PILRB: variants seen among roughly 807,000 people sequenced by gnomAD.
PILRB encodes paired immunoglobin like type 2 receptor beta.
A neutral mutation model predicts 20.5 loss-of-function variants in PILRB; 21 were observed. That is an observed-to-expected ratio of 1.02 (90% CI 0.72 to 1.47). PILRB has a LOEUF of 1.47. PILRB is among the 40% of genes most tolerant of loss of function. PILRB has a pLI of 0.00. For missense variants in PILRB, 253 were observed against 272.1 expected, an observed-to-expected ratio of 0.93 and a Z score of 0.49; for synonymous variants, 133 against 115.1, an observed-to-expected ratio of 1.16 and a Z score of -0.99.
chr7:100,362,906 C>T (rs1790570418), intron 3 of PILRB, among the ~76,000 whole-genome samples: 1 of 152,170 alleles, frequency 6.6e-6, no homozygotes, highest in East Asian at 1.9e-4. Flanking sequence ...GGCTGAAAGT[C>T]TTTCAGTCAT....
At chr7:100,360,045 A>C (rs189376377) in intron 3 of PILRB, among the ~76,000 whole-genome samples, 240 of 151,448 alleles carry the variant, frequency 1.6e-3, no homozygotes, top group African/African-American at 5.4e-3. Context: ...AACAAACAAA[A>C]AAAGCCCCCA....
At position 100,361,489 on chromosome 7, in the gene PILRB, C is replaced by G. The variant is rs186350592; in HGVS notation, c.655+1952C>G. ...GCTGGATCACCTGAGGTCAGGCGTT[C>G]AAGACCAGCCTGGCCAAAATGGTGA... On this transcript the variant is annotated intron_variant, in intron 3 of 3. Coordinates refer to ENST00000609309, the MANE Select transcript of PILRB (RefSeq NM_178238.4). Among the ~76,000 whole-genome samples, 12 of 152,196 alleles carry G rather than the reference C, an allele frequency of 7.9e-5. No individual in the cohort carries two copies. In the East Asian group the frequency reaches 2.1e-3, roughly 27 times the overall value.
intron 2 of PILRB, 61 bp from the exon 3 acceptor site, chr7:100,359,276 C>T: frequency 6.4e-7 from 1 of 1,568,324 alleles, no homozygotes; most frequent in Non-Finnish European, 8.8e-7. Flanking sequence ...GCACACCATG[C>T]CTTTCATCCA....
Position 100,365,226 on chromosome 7 carries a change from C to T in PILRB, c.656-2123C>T, listed in dbSNP as rs938552770. Among the ~76,000 whole-genome samples, 4 of 152,282 alleles carry T rather than the reference C, an allele frequency of 2.6e-5. No individual in the cohort carries two copies. The South Asian group carries it at 8.3e-4, about 32-fold the overall frequency. On this transcript the variant is annotated intron_variant, in intron 3 of 3. Transcript: ENST00000609309. Reference sequence around the variant, plus strand: ...TGTTGGCCAGGCTGGTCTCGAACTCCTGACCTCAGGGGATCCACCCACCTC... The same window carrying T: ...TGTTGGCCAGGCTGGTCTCGAACTCTTGACCTCAGGGGATCCACCCACCTC...
chr7:100,366,161 TC>T (rs1056492257), intron 3 of PILRB, among the ~76,000 whole-genome samples: 2 of 152,040 alleles, frequency 1.3e-5, no homozygotes, highest in Non-Finnish European at 2.9e-5. Context: ...ACCATATTGT[TC>T]AGGCTGATCT....
rs6952735 is a variant in PILRB at position 100,365,950 on chromosome 7, T to C, written c.656-1399T>C. On this transcript the variant is annotated intron_variant, in intron 3 of 3. Coordinates refer to ENST00000609309, the MANE Select transcript of PILRB (RefSeq NM_178238.4). ...GGTTAGGATGGTAAATTCTAGGTGGTTTTTTTTTTTTTTTTTTTTTTTAGA... is the reference window on the plus strand; with the variant it reads ...GGTTAGGATGGTAAATTCTAGGTGGCTTTTTTTTTTTTTTTTTTTTTTAGA... Among the ~76,000 whole-genome samples the C allele has an allele frequency of 9.9e-4, 113 of 114,154 alleles. 1 individual carries two copies. Among genetic ancestry groups the C allele is most frequent in the African/African-American group, 4.1e-3 (106 of 25,848 alleles). The allele number at this position is 114,154 out of a possible 152,430, so 74.9% of individuals were successfully genotyped here.
Position 100,359,141 on chromosome 7 carries a change from A to G in PILRB, c.454+62A>G. On this transcript the variant is annotated intron_variant, in intron 2 of 3. Transcript: ENST00000609309. ...GCAGTGAGGGTTTTGGTGACCACTG[A>G]TGTCTTCACATTTAAACCCAGTGGT... 8 of 1,598,008 alleles carry G rather than the reference A, an allele frequency of 5.0e-6. No individual in the cohort carries two copies. In the Admixed American group the frequency reaches 8.4e-5, roughly 17 times the overall value.
chr7:100,360,229 G>A (rs992431100), intron 3 of PILRB, among the ~76,000 whole-genome samples: 3 of 152,210 alleles, frequency 2.0e-5, no homozygotes, highest in African/African-American at 4.8e-5. Context: ...CTCCTGCCAC[G>A]GCCTGGCTTG....
intron 1 of PILRB, 118 bp downstream of exon 1, chr7:100,358,484 C>A (rs1047182236): frequency 5.9e-5 from 79 of 1,347,088 alleles, no homozygotes; most frequent in South Asian, 1.6e-4. Flanking sequence ...CAAACAAGGG[C>A]GGGTCCCATA....
chr7:100,366,258 T>G (rs1198783968), intron 3 of PILRB, among the ~76,000 whole-genome samples: 1 of 152,144 alleles, frequency 6.6e-6, no homozygotes, highest in Non-Finnish European at 1.5e-5. Context: ...CCACCTTAGG[T>G]GTTAGGCTGG....
chr7:100,360,137 G>A (rs1790486195), intron 3 of PILRB, among the ~76,000 whole-genome samples: 1 of 152,232 alleles, frequency 6.6e-6, no homozygotes, highest in Non-Finnish European at 1.5e-5. Flanking sequence ...CCTGGGGAGG[G>A]GAGGGCCTGC....
chr7:100,359,599 C>G, intron 3 of PILRB, 62 bp downstream of exon 3: 1 of 1,419,292 alleles, frequency 7.0e-7, no homozygotes, highest in Non-Finnish European at 9.9e-7. Flanking sequence ...CTGAGCCCAC[C>G]TGCAGCTAAG....
rs546487819 is a variant in PILRB, at chr7:100,359,553, G to T, written c.655+16G>T. The T allele has an allele frequency of 4.4e-6, 7 of 1,606,588 alleles. No homozygotes were observed. Among genetic ancestry groups the T allele is most frequent in the Admixed American group, 1.7e-5 (1 of 59,970 alleles). ...AGAAGGAAAGGTAAGTGCCCAGAAC[G>T]CACTGTCTCCTCAAGCTTCCCAGCT... On this transcript the variant is annotated intron_variant, in intron 3 of 3. Coordinates refer to ENST00000609309, the MANE Select transcript of PILRB (RefSeq NM_178238.4).
chr7:100,363,298 C>G (rs1790585256), intron 3 of PILRB, among the ~76,000 whole-genome samples: 1 of 152,070 alleles, frequency 6.6e-6, no homozygotes. Flanking sequence ...CACAAAATTA[C>G]CTGTTGAATG....
At chr7:100,362,503 G>A (rs1372503066) in intron 3 of PILRB, among the ~76,000 whole-genome samples, 2 of 151,818 alleles carry the variant, frequency 1.3e-5, no homozygotes, top group Non-Finnish European at 2.9e-5. Flanking sequence ...GGACAAGATT[G>A]AACACCTTTC....
intron 3 of PILRB, among the ~76,000 whole-genome samples, chr7:100,360,499 G>A (rs1174433101): frequency 6.6e-6 from 1 of 152,136 alleles, no homozygotes; most frequent in Non-Finnish European, 1.5e-5. Flanking sequence ...TGTGGGTGGA[G>A]GAAACCATTC....
chr7:100,362,128 C>T (rs1274525971), intron 3 of PILRB, among the ~76,000 whole-genome samples: 1 of 151,848 alleles, frequency 6.6e-6, no homozygotes, highest in Non-Finnish European at 1.5e-5. Context: ...TACAAAGGAT[C>T]AAAAGTCAGT....
chr7:100,361,240 G>A (rs1291422951), intron 3 of PILRB, among the ~76,000 whole-genome samples: 2 of 152,108 alleles, frequency 1.3e-5, no homozygotes, highest in Non-Finnish European at 2.9e-5. Context: ...CGGCCAGTTT[G>A]GAATCTGTTA....
Position 100,358,326 on chromosome 7 carries a change from C to T in PILRB, c.24C>T (p.Pro8=), listed in dbSNP as rs906655960. The T allele has an allele frequency of 1.9e-6, 3 of 1,612,880 alleles. No homozygotes were observed. The highest frequency in any genetic ancestry group is 2.5e-6 in the Non-Finnish European group (3 of 1,179,994). ...CCATGGGTCGGCCCCTGCTGCTGCCCCTGCTGCTCCTGCTGCAGCCGCCAG... is the reference window on the plus strand; with the variant it reads ...CCATGGGTCGGCCCCTGCTGCTGCCTCTGCTGCTCCTGCTGCAGCCGCCAG... MGRPLLL[P]LLLLLQPPAF... Residue 8 remains proline (P), a synonymous_variant, in exon 1 of 4, where the codon CCC becomes CCT. Coordinates refer to ENST00000609309, the MANE Select transcript of PILRB (RefSeq NM_178238.4).
Sources: gnomAD v4.1 joint callset for allele counts (sites outside exome capture counted in the v4.1 genomes callset) on GRCh38, gnomAD v4.1.1 for gene constraint, MANE v1.5 for transcripts, NCBI Gene and HGNC (gene_info 2026-07-23, HGNC 2026-07-21) for gene names.